Variants in ACVR1 observed in about 807,000 individuals in gnomAD.
The protein encoded by ACVR1 is activin receptor type-1.
A neutral mutation model predicts 57.1 loss-of-function variants in ACVR1; 38 were observed. That is an observed-to-expected ratio of 0.67 (90% CI 0.51 to 0.87). ACVR1 has a LOEUF of 0.87. ACVR1 is among the 40% of genes least tolerant of loss of function. The pLI is 0.00. For synonymous variants in ACVR1, 212 were observed against 228.1 expected (o/e 0.93, Z 0.63); for missense variants, 463 against 638.2 (o/e 0.73, Z 2.96).
At chr2:157,763,256 G>A (rs185006281) in intron 8 of ACVR1, among the ~76,000 whole-genome samples, 40 of 152,296 alleles carry the variant, frequency 2.6e-4, no homozygotes. Flanking sequence ...TTGAAGTATT[G>A]AGGGGTAAAG....
At chr2:157,751,050 T>G (rs2105235927) in intron 9 of ACVR1, among the ~76,000 whole-genome samples, 1 of 152,270 alleles carries the variant, frequency 6.6e-6, no homozygotes, top group East Asian at 1.9e-4. Flanking sequence ...CCAGGAAAGC[T>G]GAAAGAATCA....
At chr2:157,812,437 G>C (rs1687782368) in intron 2 of ACVR1, among the ~76,000 whole-genome samples, 1 of 151,716 alleles carries the variant, frequency 6.6e-6, no homozygotes, top group Non-Finnish European at 1.5e-5. Flanking sequence ...AGGCAAGGAG[G>C]CAATTACTAT....
intron 3 of ACVR1, among the ~76,000 whole-genome samples, chr2:157,794,838 G>T (rs781206928): frequency 1.3e-5 from 2 of 151,162 alleles, no homozygotes; most frequent in Non-Finnish European, 2.9e-5. Flanking sequence ...GAGCATTTAG[G>T]ATTCCATAGA....
intron 9 of ACVR1, among the ~76,000 whole-genome samples, chr2:157,756,941 T>G (rs1325306166): frequency 6.7e-6 from 1 of 148,470 alleles, no homozygotes; most frequent in East Asian, 2.0e-4. Context: ...TTGTGAGCTA[T>G]CTATCTATCT....
Position 157,766,168 on chromosome 2 carries a change from T to C in ACVR1, c.819A>G (p.Arg273=). 6.2e-7 allele frequency: 1 copy of C among 1,614,142 alleles called. No individual in the cohort carries two copies. The highest frequency in any genetic ancestry group is 8.5e-7 in the Non-Finnish European group (1 of 1,180,006). Residue 273 remains arginine, a synonymous_variant, in exon 8 of 11, where the codon AGA becomes AGG. Coordinates refer to ENST00000434821, the MANE Select transcript of ACVR1 (RefSeq NM_001111067.4). ...LGFIASDMTS[R]HSSTQLWLIT... ...TTAACCACAGCTGGGTACTGGAGTG[T>C]CTTGATGTCATGTCTGAAGCAATGA... is the stretch of plus-strand genomic sequence containing the variant.
At chr2:157,855,369 T>G (rs1689497815) in intron 1 of ACVR1, among the ~76,000 whole-genome samples, 1 of 145,114 alleles carries the variant, frequency 6.9e-6, no homozygotes, top group African/African-American at 2.5e-5. Flanking sequence ...ACGTGGTGGC[T>G]TTCATCTGTG....
intron 1 of ACVR1, among the ~76,000 whole-genome samples, chr2:157,834,006 A>G (rs1486787914): frequency 6.6e-6 from 1 of 152,218 alleles, no homozygotes. Flanking sequence ...CTGGTTTAAC[A>G]CAACCATGAG....
intron 2 of ACVR1, among the ~76,000 whole-genome samples, chr2:157,807,798 C>G (rs544522975): frequency 7.6e-6 from 1 of 131,672 alleles, no homozygotes; most frequent in Non-Finnish European, 1.5e-5. Context: ...AGAAGCACTG[C>G]TCATCTGACA....
chr2:157,857,371 G>A (rs553206061), intron 1 of ACVR1, among the ~76,000 whole-genome samples: 19 of 151,098 alleles, frequency 1.3e-4, no homozygotes, highest in South Asian at 8.4e-4. Flanking sequence ...CATGGTCCCC[G>A]TCCTCAAGGA....
chr2:157,779,871 GGTCA>G (rs1162982128), intron 4 of ACVR1, among the ~76,000 whole-genome samples: 1 of 152,128 alleles, frequency 6.6e-6, no homozygotes, highest in East Asian at 1.9e-4. Flanking sequence ...TGGGAGAAGA[GGTCA>G]GTGAGCCTTC....
chr2:157,824,022 G>A (rs947859608), intron 1 of ACVR1, among the ~76,000 whole-genome samples: 1 of 152,160 alleles, frequency 6.6e-6, no homozygotes, highest in African/African-American at 2.4e-5. Context: ...GAAGTACATG[G>A]CACTCAGTGG....
At chr2:157,752,618 A>G (rs530590946) in intron 9 of ACVR1, among the ~76,000 whole-genome samples, 1 of 152,346 alleles carries the variant, frequency 6.6e-6, no homozygotes, top group East Asian at 1.9e-4. Context: ...CCCACAAGCT[A>G]GAAGGGATTG....
rs1202069664 is a variant in ACVR1 at position 157,876,063 on chromosome 2, A to AGCGGCAGCG, written c.-459_-451dup. ...GCGGCTGGCCGAGGAGCAGGCTGGCAGCGGCAGCGGCGGCAGCGGCAGCCA... is the reference window on the plus strand; with the variant it reads ...GCGGCTGGCCGAGGAGCAGGCTGGCAGCGGCAGCGGCGGCAGCGGCGGCAGCGGCAGCCA... On this transcript the variant is annotated 5_prime_UTR_variant, in exon 1 of 11. Coordinates refer to ENST00000434821, the MANE Select transcript of ACVR1 (RefSeq NM_001111067.4). 8.7e-5 allele frequency among the ~76,000 whole-genome samples: 12 copies of AGCGGCAGCG among 137,256 alleles called. No individual in the cohort carries two copies. The highest frequency in any genetic ancestry group is 2.9e-4 in the Admixed American group (4 of 13,790). 90.0% of individuals were successfully genotyped at this position (137,256 alleles called of 152,430 possible). A position where few individuals can be genotyped will look rare whatever the true frequency, so the allele number is the denominator to read the frequency against.
At chr2:157,800,645 A>C (rs1476117331) in intron 2 of ACVR1, among the ~76,000 whole-genome samples, 1 of 151,894 alleles carries the variant, frequency 6.6e-6, no homozygotes, top group Non-Finnish European at 1.5e-5. Flanking sequence ...GGTAAAGGGG[A>C]TTTTTATTTA....
At chr2:157,861,128 T>C (rs1302797083) in intron 1 of ACVR1, among the ~76,000 whole-genome samples, 2 of 152,202 alleles carry the variant, frequency 1.3e-5, no homozygotes, top group African/African-American at 4.8e-5. Context: ...TGACCTCCAG[T>C]GCCCTCAAAC....
chr2:157,849,530 T>C (rs1031092811), intron 1 of ACVR1, among the ~76,000 whole-genome samples: 3 of 152,234 alleles, frequency 2.0e-5, no homozygotes, highest in Non-Finnish European at 4.4e-5. Flanking sequence ...CATTATTGTA[T>C]AGTATTTGAA....
chr2:157,851,620 A>G (rs1052812098), intron 1 of ACVR1, among the ~76,000 whole-genome samples: 2 of 152,170 alleles, frequency 1.3e-5, no homozygotes, highest in Non-Finnish European at 2.9e-5. Flanking sequence ...GGATAAATAG[A>G]AGCTACATTT....
At chr2:157,738,697 G>A in intron 9 of ACVR1, 127 bp from the exon 10 acceptor site, 1 of 1,416,438 alleles carries the variant, frequency 7.1e-7, no homozygotes, top group Non-Finnish European at 9.9e-7. Flanking sequence ...TCATACCTCA[G>A]GGCAGTCCTG....
At chr2:157,768,024 C>T (rs552039118) in intron 7 of ACVR1, among the ~76,000 whole-genome samples, 2 of 152,350 alleles carry the variant, frequency 1.3e-5, no homozygotes, top group African/African-American at 4.8e-5. Context: ...CAGACTCTTA[C>T]TGACTATGCC....
Sources: gnomAD v4.1 joint callset for allele counts (sites outside exome capture counted in the v4.1 genomes callset) on GRCh38, gnomAD v4.1.1 for gene constraint, MANE v1.5 for transcripts, NCBI Gene and HGNC (gene_info 2026-07-23, HGNC 2026-07-21) for gene names.